The following ERBB4 variants were observed in gnomAD, a reference collection of about 807,000 sequenced individuals.
ERBB4 encodes the protein receptor tyrosine-protein kinase erbB-4.
Under a neutral mutation model 158.0 loss-of-function variants are expected in ERBB4, and 42 were observed. The ratio of observed to expected loss-of-function variants is 0.27; its 90% confidence interval spans 0.21 to 0.34. The LOEUF (loss-of-function observed/expected upper bound fraction) is 0.34. ERBB4 is among the 10% of genes least tolerant of loss of function. The probability of loss-of-function intolerance (pLI) is 1.00; values close to 1 mark genes in which losing one functional copy is unlikely to be tolerated. For synonymous variants in ERBB4, 583 were observed against 558.7 expected (o/e 1.04, Z -0.61); for missense variants, 1,333 against 1,624.1 (o/e 0.82, Z 3.08).
At chr2:212,442,542 A>T (rs1172425422) in intron 1 of ERBB4, among the ~76,000 whole-genome samples, 3 of 152,156 alleles carry the variant, frequency 2.0e-5, no homozygotes, top group Non-Finnish European at 4.4e-5. Flanking sequence ...CCAAAAGATC[A>T]CTGTGGTCCT....
At chr2:212,453,624 C>T (rs938735046) in intron 1 of ERBB4, among the ~76,000 whole-genome samples, 3 of 152,050 alleles carry the variant, frequency 2.0e-5, no homozygotes, top group African/African-American at 4.8e-5. Context: ...GTATAGCAAA[C>T]GAGGTATGCT....
In ERBB4 at chr2:212,124,919, GATACACGT is replaced by G. The variant is rs766475156; in HGVS notation, c.83-24_83-17del. On this transcript the variant is annotated splice_polypyrimidine_tract_variant and intron_variant, in intron 1 of 27. Coordinates refer to ENST00000342788, the MANE Select transcript of ERBB4 (RefSeq NM_005235.3). Reference sequence around the variant, plus strand: ...CCTGCACACACTGCAAAGACAAGAAGATACACGTGAAATTACATAACCTTTATATGATA... The same window carrying G: ...CCTGCACACACTGCAAAGACAAGAAGGAAATTACATAACCTTTATATGATA... 2.3e-5 allele frequency: 37 copies of G among 1,613,928 alleles called. No homozygotes were observed. The highest frequency in any genetic ancestry group is 3.1e-5 in the Non-Finnish European group (37 of 1,179,828).
intron 2 of ERBB4, among the ~76,000 whole-genome samples, chr2:211,984,903 TA>T (rs1436679186): frequency 2.6e-5 from 4 of 152,228 alleles, no homozygotes; most frequent in Middle Eastern, 3.4e-3. Context: ...TTTATTTATT[TA>T]TTTTTTTAGT....
At chr2:211,802,564 G>C (rs547321736) in intron 3 of ERBB4, among the ~76,000 whole-genome samples, 48 of 152,274 alleles carry the variant, frequency 3.2e-4, no homozygotes, top group African/African-American at 1.1e-3. Flanking sequence ...CTGACATGTG[G>C]AAAAGAGAAT....
chr2:212,061,574 T>A (rs76330538), intron 2 of ERBB4, among the ~76,000 whole-genome samples: 1 of 150,714 alleles, frequency 6.6e-6, no homozygotes, highest in South Asian at 2.1e-4. Context: ...TAAATATCCA[T>A]GATAACAGTC....
chr2:212,169,104 G>A (rs1424587120), intron 1 of ERBB4, among the ~76,000 whole-genome samples: 2 of 152,120 alleles, frequency 1.3e-5, no homozygotes, highest in East Asian at 1.9e-4. Context: ...ATTTTGAAAT[G>A]AAATTTATTA....
chr2:212,090,116 A>T (rs1055624829), intron 2 of ERBB4, among the ~76,000 whole-genome samples: 2 of 152,152 alleles, frequency 1.3e-5, no homozygotes, highest in African/African-American at 4.8e-5. Flanking sequence ...ATGCCATTAG[A>T]ACACATGGTC....
chr2:211,779,029 G>T (rs950647763), intron 4 of ERBB4: 3 of 152,094 alleles, frequency 2.0e-5, no homozygotes, highest in Non-Finnish European at 4.4e-5. Flanking sequence ...TGGAAAAAAG[G>T]AATCGTTTGG....
chr2:212,519,882 A>C (rs1692056394), intron 1 of ERBB4, among the ~76,000 whole-genome samples: 1 of 151,968 alleles, frequency 6.6e-6, no homozygotes, highest in Non-Finnish European at 1.5e-5. Context: ...TTAGTAATTT[A>C]TTGTATATTT....
At chr2:212,510,177 TAA>T (rs1691433194) in intron 1 of ERBB4, among the ~76,000 whole-genome samples, 1 of 141,462 alleles carries the variant, frequency 7.1e-6, no homozygotes, top group Non-Finnish European at 1.5e-5. Flanking sequence ...TATAAAAGCC[TAA>T]AAACACCTTC....
intron 20 of ERBB4, among the ~76,000 whole-genome samples, chr2:211,478,755 C>T (rs1226267369): frequency 6.6e-6 from 1 of 152,086 alleles, no homozygotes; most frequent in Non-Finnish European, 1.5e-5. Flanking sequence ...TACCTCTTTT[C>T]TAACTCTTAT....
intron 25 of ERBB4, among the ~76,000 whole-genome samples, chr2:211,400,930 T>C (rs1340244914): frequency 6.6e-6 from 1 of 152,002 alleles, no homozygotes; most frequent in Non-Finnish European, 1.5e-5. Context: ...AAAAATTAAA[T>C]ATTTAAAAAT....
At chr2:212,366,790 A>G (rs556448041) in intron 1 of ERBB4, among the ~76,000 whole-genome samples, 140 of 152,146 alleles carry the variant, frequency 9.2e-4, no homozygotes, top group African/African-American at 3.2e-3. Flanking sequence ...ATTTATATGG[A>G]TTTTAACCAT....
At chr2:212,109,095 T>C (rs2079320896) in intron 2 of ERBB4, among the ~76,000 whole-genome samples, 1 of 152,174 alleles carries the variant, frequency 6.6e-6, no homozygotes. Context: ...GGAATGTATA[T>C]AAGAAACACT....
At chr2:211,522,423 T>C (rs926044076) in intron 20 of ERBB4, among the ~76,000 whole-genome samples, 1 of 152,188 alleles carries the variant, frequency 6.6e-6, no homozygotes, top group Non-Finnish European at 1.5e-5. Flanking sequence ...GGATGAGTAG[T>C]TGTTTCTTAT....
At chr2:212,217,251 C>A (rs1176910790) in intron 1 of ERBB4, among the ~76,000 whole-genome samples, 1 of 151,264 alleles carries the variant, frequency 6.6e-6, no homozygotes, top group African/African-American at 2.4e-5. Flanking sequence ...ATAAAAGGGT[C>A]TTCTGTGGAA....
intron 2 of ERBB4, among the ~76,000 whole-genome samples, chr2:211,964,881 CA>C (rs2081270351): frequency 6.6e-6 from 1 of 152,142 alleles, no homozygotes; most frequent in African/African-American, 2.4e-5. Context: ...ACTCTTAGAA[CA>C]TTACTTTTAT....
At chr2:212,277,764 C>T (rs2106139015) in intron 1 of ERBB4, among the ~76,000 whole-genome samples, 1 of 151,810 alleles carries the variant, frequency 6.6e-6, no homozygotes, top group South Asian at 2.1e-4. Context: ...TATGCTGACA[C>T]AGATTCATTA....
intron 19 of ERBB4, among the ~76,000 whole-genome samples, chr2:211,577,661 G>A (rs2371305): frequency 0.74 from 111,761 of 151,986 alleles, 43,657 homozygotes; most frequent in East Asian, 0.88. Context: ...TTCAACACAC[G>A]TAAATCAATA....
Sources: allele counts gnomAD v4.1 joint callset (sites outside exome capture counted in the v4.1 genomes callset), GRCh38; gene constraint gnomAD v4.1.1; transcripts MANE v1.5; gene names NCBI Gene and HGNC (gene_info 2026-07-23, HGNC 2026-07-21).